The following PCDH17 variants were observed in gnomAD, a reference collection of about 807,000 sequenced individuals.
PCDH17 encodes the protein protocadherin-17.
In PCDH17, 21 loss-of-function variants were observed where a neutral mutation model predicts 67.7. The observed-to-expected ratio is 0.31, with a 90% CI of 0.22 to 0.45. The LOEUF (loss-of-function observed/expected upper bound fraction) is 0.45, where lower values mean the gene tolerates loss of function less well. PCDH17 is among the 20% of genes least tolerant of loss of function. PCDH17 has a pLI of 1.00. For synonymous variants in PCDH17, 701 were observed against 656.7 expected (o/e 1.07, Z -1.03); for missense variants, 1,471 against 1,564.8 (o/e 0.94, Z 1.01).
At chr13:57,685,610 T>C (rs545698850) in intron 3 of PCDH17, among the ~76,000 whole-genome samples, 50 of 152,134 alleles carry the variant, frequency 3.3e-4, no homozygotes, top group African/African-American at 1.2e-3. Flanking sequence ...TATTAAATAA[T>C]GGATGGGAGT....
rs201306911 is a variant in PCDH17, at chr13:57,633,293, G to A, written c.747G>A (p.Leu249=). ...CGGTCTTCGAGGCGCCATCCTACTTGGTGGAACTGCCCGAGAACGCTCCGC... is the reference window on the plus strand; with the variant it reads ...CGGTCTTCGAGGCGCCATCCTACTTAGTGGAACTGCCCGAGAACGCTCCGC... ...NSPVFEAPSY[L]VELPENAPLG... is the part of the protein sequence containing the mutation. The change falls in exon 1 of 4, where the codon TTG becomes TTA. Residue 249 remains leucine (L), a synonymous_variant. Transcript: ENST00000377918. The surrounding 1 kb of genome is among the most constrained non-coding windows in gnomAD (Gnocchi z 6.2). The A allele has an allele frequency of 5.9e-5, 95 of 1,613,196 alleles. No individual in the cohort carries two copies. The highest frequency in any genetic ancestry group is 8.3e-5 in the Admixed American group (5 of 59,988).
Position 57,700,814 on chromosome 13 carries a change from G to A in PCDH17, c.2798-23798G>A, listed in dbSNP as rs561914001. On this transcript the variant is annotated intron_variant, in intron 3 of 3. Coordinates refer to ENST00000377918, the MANE Select transcript of PCDH17 (RefSeq NM_001040429.3). The stretch of plus-strand genomic sequence containing the variant: ...AACTAGACTAGACTAGAAAAATTCA[G>A]AACAAACACTTCTGAAATAGGGTTA... Among the ~76,000 whole-genome samples the A allele has an allele frequency of 2.0e-5, 3 of 152,176 alleles. No homozygotes were observed. In the South Asian group the frequency reaches 6.2e-4, roughly 32 times the overall value.
At position 57,632,256 on chromosome 13, in the gene PCDH17, C is replaced by T. The variant is rs1416337494; in HGVS notation, c.-291C>T. On this transcript the variant is annotated 5_prime_UTR_variant, in exon 1 of 4. Coordinates refer to ENST00000377918, the MANE Select transcript of PCDH17 (RefSeq NM_001040429.3). Reference sequence around the variant, plus strand: ...AGTCCGGGCGGGAGAGACGAAACCCCTGGCTCACCCCCAGCCGCAGGAAGC... The same window carrying T: ...AGTCCGGGCGGGAGAGACGAAACCCTTGGCTCACCCCCAGCCGCAGGAAGC... 4.2e-6 allele frequency: 2 copies of T among 478,228 alleles called. No individual in the cohort carries two copies. Among genetic ancestry groups the T allele is most frequent in the East Asian group, 3.8e-5 (1 of 26,664 alleles). 29.6% of individuals were successfully genotyped at this position (478,228 alleles called of 1,614,324 possible).
chr13:57,693,011 A>G (rs1955573069), intron 3 of PCDH17, among the ~76,000 whole-genome samples: 1 of 150,714 alleles, frequency 6.6e-6, no homozygotes, highest in African/African-American at 2.4e-5. Context: ...AGAAATAGAG[A>G]CAGTGGAATT....
At position 57,652,302 on chromosome 13, in the gene PCDH17, A is replaced by AAAG. The variant is rs59773944; in HGVS notation, c.2566-14166_2566-14165insAAG. ...TCCGTCTCAAAAAAAAAAAAAAAAA[A>AAAG]GAACACTTACGACTATAAAAAGGTA... is the stretch of plus-strand genomic sequence containing the variant. On this transcript the variant is annotated intron_variant, in intron 1 of 3. Transcript: ENST00000377918. Among the ~76,000 whole-genome samples, 3 of 151,274 alleles carry AAAG rather than the reference A, an allele frequency of 2.0e-5. No homozygotes were observed. The East Asian group carries it at 5.8e-4, about 29-fold the overall frequency.
chr13:57,637,903 G>A (rs1224282982), intron 1 of PCDH17, among the ~76,000 whole-genome samples: 1 of 152,010 alleles, frequency 6.6e-6, no homozygotes, highest in African/African-American at 2.4e-5. Context: ...CTTAGGCATA[G>A]GAGTACTTTT....
At chr13:57,717,722 A>T (rs989517071) in intron 3 of PCDH17, among the ~76,000 whole-genome samples, 1 of 152,050 alleles carries the variant, frequency 6.6e-6, no homozygotes, top group African/African-American at 2.4e-5. Flanking sequence ...ATAGTATTAT[A>T]ACAACTTCCT....
chr13:57,686,080 T>C (rs1419465536), intron 3 of PCDH17, among the ~76,000 whole-genome samples: 1 of 146,992 alleles, frequency 6.8e-6, no homozygotes, highest in Non-Finnish European at 1.5e-5. Context: ...CACAGGGAGA[T>C]CTCATCTCTG....
At position 57,634,881 on chromosome 13, in the gene PCDH17, G is replaced by C; in HGVS notation, c.2335G>C (p.Ala779Pro). ...LVQSEVEERN[A>P]MNVMNVVSSP... ...GCAGAGCGAAGTGGAGGAGAGGAAC[G>C]CCATGAACGTCATGAACGTGGTGAG... Residue 779 changes from alanine to proline, a missense_variant, in exon 1 of 4, where the codon GCC becomes CCC. Ala to Pro is a conservative substitution (Grantham distance 27, BLOSUM62 -1). Around this residue, in one of 3 missense-constraint regions of PCDH17, gnomAD observed 1,163 missense variants for 1,230.0 expected, o/e 0.95. Coordinates refer to ENST00000377918, the MANE Select transcript of PCDH17 (RefSeq NM_001040429.3). The surrounding 1 kb of genome is among the most constrained non-coding windows in gnomAD (Gnocchi z 7.8). The C allele has an allele frequency of 6.2e-7, 1 of 1,613,964 alleles. No homozygotes were observed. The highest frequency in any genetic ancestry group is 1.1e-5 in the South Asian group (1 of 91,062).
chr13:57,638,238 T>C (rs1162969156), intron 1 of PCDH17, among the ~76,000 whole-genome samples: 1 of 152,110 alleles, frequency 6.6e-6, no homozygotes, highest in Non-Finnish European at 1.5e-5. Flanking sequence ...AATTATTTTA[T>C]GTGTTAATAT....
chr13:57,667,174 A>G (rs923323562), intron 3 of PCDH17, among the ~76,000 whole-genome samples: 2 of 152,174 alleles, frequency 1.3e-5, no homozygotes, highest in African/African-American at 2.4e-5. Flanking sequence ...ATATTTATGA[A>G]TTTACAGTAT....
At chr13:57,710,546 A>G (rs1955766951) in intron 3 of PCDH17, among the ~76,000 whole-genome samples, 1 of 151,806 alleles carries the variant, frequency 6.6e-6, no homozygotes, top group South Asian at 2.1e-4. Flanking sequence ...AAAATTAAGT[A>G]AAAAAACAGG....
At chr13:57,657,754 G>A (rs1055357503) in intron 1 of PCDH17, among the ~76,000 whole-genome samples, 8 of 152,118 alleles carry the variant, frequency 5.3e-5, no homozygotes, top group African/African-American at 1.9e-4. Flanking sequence ...CTAATTCAAG[G>A]GTATTTTTCA....
chr13:57,682,661 C>T (rs985250274), intron 3 of PCDH17, among the ~76,000 whole-genome samples: 3 of 151,766 alleles, frequency 2.0e-5, no homozygotes, highest in East Asian at 3.9e-4. Flanking sequence ...CACCAGTAGT[C>T]TGCAGGCTTT....
chr13:57,646,825 T>A (rs569585153), intron 1 of PCDH17, among the ~76,000 whole-genome samples: 1 of 151,892 alleles, frequency 6.6e-6, no homozygotes, highest in Non-Finnish European at 1.5e-5. Context: ...ATACTAATAG[T>A]TCAAGTCCAT....
At chr13:57,703,160 TC>T (rs2138078250) in intron 3 of PCDH17, among the ~76,000 whole-genome samples, 1 of 152,308 alleles carries the variant, frequency 6.6e-6, no homozygotes, top group African/African-American at 2.4e-5. Flanking sequence ...AAAGGCATCT[TC>T]TTTTTCTCTA....
chr13:57,724,180 G>A lies in PCDH17; in HGVS notation c.2798-432G>A, dbSNP rs184006374. Among the ~76,000 whole-genome samples, 17 of 152,262 alleles carry A rather than the reference G, an allele frequency of 1.1e-4. No homozygotes were observed. In the East Asian group the frequency reaches 2.9e-3, roughly 26 times the overall value. On this transcript the variant is annotated intron_variant, in intron 3 of 3. Transcript: ENST00000377918. ...AAAACGTTTTTTAAAGAGCAGCTTA[G>A]AACTTGTTATGGAAGTTTGCAATCC...
intron 1 of PCDH17, among the ~76,000 whole-genome samples, chr13:57,639,507 CTT>C (rs1954864793): frequency 6.6e-6 from 1 of 151,732 alleles, no homozygotes; most frequent in Non-Finnish European, 1.5e-5. Flanking sequence ...ACCAGAGAAT[CTT>C]GTTTTTAATA....
upstream of PCDH17, among the ~76,000 whole-genome samples, chr13:57,630,611 G>A (rs2137962572): frequency 6.6e-6 from 1 of 152,254 alleles, no homozygotes; most frequent in African/African-American, 2.4e-5. Flanking sequence ...CAAAGCAGAC[G>A]CCTTGTTTTC....
Sources: allele counts gnomAD v4.1 joint callset (sites outside exome capture counted in the v4.1 genomes callset), GRCh38; gene constraint gnomAD v4.1.1; regional missense constraint gnomAD v4.1.1; non-coding constraint Gnocchi (gnomAD v3.1); transcripts MANE v1.5; gene names NCBI Gene and HGNC (gene_info 2026-07-23, HGNC 2026-07-21).